Variants in ARSB observed in about 807,000 individuals in gnomAD.
ARSB encodes the protein arylsulfatase B.
A neutral mutation model predicts 50.9 loss-of-function variants in ARSB; 41 were observed. The ratio of observed to expected loss-of-function variants is 0.81; its 90% CI spans 0.63 to 1.04. ARSB has a LOEUF of 1.04. ARSB is among the 50% of genes least tolerant of loss of function. The pLI, the probability that ARSB is intolerant of heterozygous loss-of-function variation, is 0.00. For synonymous variants in ARSB, 269 were observed against 284.8 expected, an observed-to-expected ratio of 0.94 and a Z score of 0.56; for missense variants, 672 against 693.3, an observed-to-expected ratio of 0.97 and a Z score of 0.35.
rs140923667 is a variant in ARSB at position 78,885,648 on chromosome 5, G to C, written c.1078C>G (p.Leu360Val). Residue 360 changes from leucine to valine, a missense_variant, in exon 5 of 8, where the codon CTG (leucine) becomes GTG (valine). Coordinates refer to ENST00000264914, the MANE Select transcript of ARSB (RefSeq NM_000046.5). ...GTGCCATTGGTGTGTCCCCTGGCCA[G>C]CTTCACGAGTGTTGGCAGCCAGTCA... is the stretch of plus-strand genomic sequence containing the variant. ...ISDWLPTLVKLARGHTNGTKP... is the reference protein window; with the variant it reads ...ISDWLPTLVKVARGHTNGTKP... The C allele has an allele frequency of 1.9e-6, 3 of 1,614,148 alleles. No homozygotes were observed. In the South Asian group the frequency reaches 3.3e-5, roughly 18 times the overall value.
At chr5:78,808,285 G>A (rs920275378) in intron 6 of ARSB, among the ~76,000 whole-genome samples, 8 of 147,716 alleles carry the variant, frequency 5.4e-5, no homozygotes, top group African/African-American at 1.8e-4. Flanking sequence ...ATATTTCATC[G>A]GTAAATATTT....
intron 5 of ARSB, among the ~76,000 whole-genome samples, chr5:78,851,577 C>T (rs534103339): frequency 7.5e-4 from 114 of 152,036 alleles, no homozygotes; most frequent in Admixed American, 9.2e-4. Context: ...CTATTAGGTC[C>T]GCTTGGTGCA....
intron 4 of ARSB, among the ~76,000 whole-genome samples, chr5:78,903,030 G>T (rs928528562): frequency 6.6e-6 from 1 of 152,126 alleles, no homozygotes; most frequent in Non-Finnish European, 1.5e-5. Flanking sequence ...CAGAGAATAG[G>T]TCTTAGAATA....
chr5:78,969,158 G>A lies in ARSB; in HGVS notation c.347C>T (p.Pro116Leu). ...CAGAGGAACACAGCTGGGCTGACAG[G>A]GCCAGATTATTTGGTGCTGTAAACC... The part of the protein sequence containing the change: ...RTGLQHQIIW[P>L]CQPSCVPLDE... Residue 116 changes from proline (P) to leucine (L), a missense_variant, in exon 2 of 8, where the codon CCC (proline) becomes CTC (leucine). By Grantham distance (98) the Pro-to-Leu change is moderately conservative (BLOSUM62 -3). Coordinates refer to ENST00000264914, the MANE Select transcript of ARSB (RefSeq NM_000046.5). 6.2e-7 allele frequency: 1 copy of A among 1,614,102 alleles called. No individual in the cohort carries two copies. The highest frequency in any genetic ancestry group is 1.3e-5 in the African/African-American group (1 of 75,004).
chr5:78,808,616 T>A (rs1012832854), intron 6 of ARSB, among the ~76,000 whole-genome samples: 4 of 152,120 alleles, frequency 2.6e-5, no homozygotes, highest in African/African-American at 9.7e-5. Context: ...TGAGATTCAG[T>A]TCATGTTGCA....
chr5:78,834,165 TGA>T (rs1328854560), intron 6 of ARSB, among the ~76,000 whole-genome samples: 1 of 152,176 alleles, frequency 6.6e-6, no homozygotes, highest in African/African-American at 2.4e-5. Flanking sequence ...TGGCAGTAAA[TGA>T]AAAAGATAGA....
At chr5:78,985,577 T>G, upstream of ARSB, 1 of 193,328 alleles carries the variant, frequency 5.2e-6, no homozygotes. Context: ...AAAAGATGTG[T>G]TCTTTAATAA....
At chr5:78,927,568 C>A (rs1405866435) in intron 4 of ARSB, among the ~76,000 whole-genome samples, 6 of 152,158 alleles carry the variant, frequency 3.9e-5, no homozygotes, top group Admixed American at 2.0e-4. Flanking sequence ...TTAGGTCAAT[C>A]CAACACACAC....
At chr5:78,965,556 T>C (rs1752169256) in intron 2 of ARSB, among the ~76,000 whole-genome samples, 2 of 152,140 alleles carry the variant, frequency 1.3e-5, no homozygotes, top group South Asian at 4.1e-4. Flanking sequence ...GCCATGATAG[T>C]GGCACAACCT....
intron 6 of ARSB, among the ~76,000 whole-genome samples, chr5:78,833,538 G>T (rs1744788971): frequency 6.6e-6 from 1 of 152,204 alleles, no homozygotes. Flanking sequence ...TCTGACACAG[G>T]TCATGAAGCT....
chr5:78,885,702 C>T lies in ARSB; in HGVS notation c.1024G>A (p.Val342Met), dbSNP rs749593643. 2.8e-5 allele frequency: 45 copies of T among 1,614,114 alleles called. No individual in the cohort carries two copies. Among genetic ancestry groups the T allele is most frequent in the East Asian group, 8.9e-5 (4 of 44,868 alleles). ...VASPLLKQKG[V>M]KNRELIHISD... ...ATGTGGATGAGCTCCCGGTTCTTCA[C>T]GCCCTTCTGCTTCAGCAAGGGGCTT... Residue 342 changes from valine (V) to methionine (M), a missense_variant, in exon 5 of 8, where the codon GTG becomes ATG. Coordinates refer to ENST00000264914, the MANE Select transcript of ARSB (RefSeq NM_000046.5).
At chr5:78,849,376 AG>A (rs1425798263) in intron 5 of ARSB, among the ~76,000 whole-genome samples, 16 of 152,080 alleles carry the variant, frequency 1.1e-4, no homozygotes, top group Non-Finnish European at 1.5e-5. Context: ...AGATAGTTGT[AG>A]GTAAGCGGCA....
intron 4 of ARSB, among the ~76,000 whole-genome samples, chr5:78,906,731 T>C (rs1561494119): frequency 1.3e-5 from 2 of 152,130 alleles, no homozygotes; most frequent in African/African-American, 4.8e-5. Context: ...GATAGTTGCT[T>C]TCAGTATTAT....
intron 4 of ARSB, among the ~76,000 whole-genome samples, chr5:78,888,960 A>G (rs1748160291): frequency 6.6e-6 from 1 of 152,232 alleles, no homozygotes; most frequent in South Asian, 2.1e-4. Flanking sequence ...AACTTCTCCA[A>G]GGCTCTCCTG....
chr5:78,892,207 G>A (rs1307281882), intron 4 of ARSB, among the ~76,000 whole-genome samples: 1 of 143,696 alleles, frequency 7.0e-6, no homozygotes, highest in Non-Finnish European at 1.5e-5. Flanking sequence ...TAAGACCAAA[G>A]TATTCTAAGC....
chr5:78,906,530 C>A (rs1007237241), intron 4 of ARSB, among the ~76,000 whole-genome samples: 3 of 152,026 alleles, frequency 2.0e-5, no homozygotes, highest in Non-Finnish European at 2.9e-5. Flanking sequence ...AATAAACCTC[C>A]AAAACTCACC....
Position 78,778,349 on chromosome 5 carries a change from C to T in ARSB, c.*2048G>A, listed in dbSNP as rs770930093. ...TCCTTCCAATAGTCTCATTTTAATA[C>T]AATACAGGTTAGTAGTGACCAGAAA... is the stretch of plus-strand genomic sequence containing the variant. On this transcript the variant is annotated 3_prime_UTR_variant, in exon 8 of 8. Transcript: ENST00000264914. 8 of 152,204 alleles carry T rather than the reference C, an allele frequency of 5.3e-5. No individual in the cohort carries two copies. The highest frequency in any genetic ancestry group is 8.8e-5 in the Non-Finnish European group (6 of 68,038). The allele number at this position is 152,204 out of a possible 1,614,324, so 9.4% of individuals were successfully genotyped here. A position where few individuals can be genotyped will look rare whatever the true frequency, so the allele number is the denominator to read the frequency against.
intron 6 of ARSB, among the ~76,000 whole-genome samples, chr5:78,829,266 ATTTG>A (rs1238691659): frequency 7.2e-5 from 11 of 152,354 alleles, no homozygotes; most frequent in Middle Eastern, 3.4e-3. Flanking sequence ...GTTTATGGTA[ATTTG>A]TTTGATCAGT....
In ARSB at chr5:78,780,522, G is replaced by T; in HGVS notation, c.1477C>A (p.His493Asn). Reference sequence around the variant, plus strand: ...CGGGACAGGAGCTTTGTGACGATGTGAGGATATTCTCTGGACAGGTCATGT... The same window carrying T: ...CGGGACAGGAGCTTTGTGACGATGTTAGGATATTCTCTGGACAGGTCATGT... The part of the protein sequence containing the change: ...ERHDLSREYP[H>N]IVTKLLSRLQ... Residue 493 changes from histidine to asparagine, a missense_variant, in exon 8 of 8, where the codon CAC (histidine) becomes AAC (asparagine). Transcript: ENST00000264914. 1 of 1,614,144 alleles carries T rather than the reference G, an allele frequency of 6.2e-7. No individual in the cohort carries two copies. Among genetic ancestry groups the T allele is most frequent in the South Asian group, 1.1e-5 (1 of 91,082 alleles).
Sources: gnomAD v4.1 joint callset for allele counts (sites outside exome capture counted in the v4.1 genomes callset) on GRCh38, gnomAD v4.1.1 for gene constraint, MANE v1.5 for transcripts, NCBI Gene and HGNC (gene_info 2026-07-23, HGNC 2026-07-21) for gene names.